Variants in FNIP1 observed in about 807,000 individuals in gnomAD.
FNIP1 encodes the protein folliculin interacting protein 1.
A neutral mutation model predicts 124.5 loss-of-function variants in FNIP1; 40 were observed. That is an observed-to-expected ratio of 0.32 (90% CI 0.25 to 0.42). The LOEUF is 0.42. Among genes scored for constraint, FNIP1 ranks in the 10% least tolerant of loss-of-function variants. The probability of loss-of-function intolerance (pLI) is 1.00; values close to 1 mark genes in which losing one functional copy is unlikely to be tolerated. For missense variants in FNIP1, 1,176 were observed against 1,403.7 expected, an observed-to-expected ratio of 0.84 and a Z score of 2.59; for synonymous variants, 472 against 470.6, an observed-to-expected ratio of 1.00 and a Z score of -0.04.
rs1018843568 is a variant in FNIP1, at chr5:131,642,846, G to T, written c.*1839C>A. On this transcript the variant is annotated 3_prime_UTR_variant, in exon 18 of 18. Coordinates refer to ENST00000510461, the MANE Select transcript of FNIP1 (RefSeq NM_133372.3). ...ATCGCACCATTGCACTCCAGCCTGG[G>T]TAACAAGAGTGAAACTCCGTCAAAA... 5 of 142,768 alleles carry T rather than the reference G, an allele frequency of 3.5e-5. No homozygotes were observed. The highest frequency in any genetic ancestry group is 1.5e-5 in the Non-Finnish European group (1 of 66,578). The allele number at this position is 142,768 out of a possible 1,614,324, so 8.8% of individuals were successfully genotyped here. A position where few individuals can be genotyped will look rare whatever the true frequency, so the allele number is the denominator to read the frequency against.
intron 15 of FNIP1, 141 bp downstream of exon 15, chr5:131,670,322 G>A (rs754544418): frequency 1.3e-4 from 80 of 604,234 alleles, no homozygotes; most frequent in Non-Finnish European, 1.9e-4. Flanking sequence ...ACAAAGATAC[G>A]GGCACTGAAT....
intron 5 of FNIP1, among the ~76,000 whole-genome samples, chr5:131,718,123 G>A (rs1238282502): frequency 6.6e-6 from 1 of 151,058 alleles, no homozygotes; most frequent in Admixed American, 6.6e-5. Flanking sequence ...ACCCAGGACA[G>A]AGGTTGCAGT....
At chr5:131,735,457 T>TTATATATATATTTG (rs1253509848) in intron 2 of FNIP1, among the ~76,000 whole-genome samples, 1 of 148,630 alleles carries the variant, frequency 6.7e-6, no homozygotes, top group African/African-American at 2.5e-5. Context: ...TTAAAGTATT[T>TTATATATATATTTG]TATATATATA....
At chr5:131,658,907 CAAAAAAAAAA>C (rs70974003) in intron 15 of FNIP1, among the ~76,000 whole-genome samples, 2,685 of 41,242 alleles carry the variant, frequency 0.065, 123 homozygotes, top group African/African-American at 0.25. Flanking sequence ...TGGGTCTAGC[CAAAAAAAAAA>C]AAAAAAAAAA....
Position 131,671,671 on chromosome 5 carries a change from T to C in FNIP1, c.2773A>G (p.Ile925Val), listed in dbSNP as rs1767754966. 6.2e-7 allele frequency: 1 copy of C among 1,614,134 alleles called. No individual in the cohort carries two copies. Among genetic ancestry groups the C allele is most frequent in the Admixed American group, 1.7e-5 (1 of 60,016 alleles). ...HGDKESSDKK[I>V]AVGTEWDIPR... ...ATGTCCCATTCAGTTCCTACAGCAA[T>C]TTTTTTATCTGAACTCTCTTTATCC... Residue 925 changes from isoleucine to valine, a missense_variant, in exon 14 of 18, where the codon ATT (isoleucine) becomes GTT (valine). By Grantham distance (29) the Ile-to-Val change is conservative. Around this residue, in one of 2 missense-constraint regions of FNIP1, gnomAD observed 1,109 missense variants for 1,288.5 expected, o/e 0.86. Coordinates refer to ENST00000510461, the MANE Select transcript of FNIP1 (RefSeq NM_133372.3).
intron 3 of FNIP1, among the ~76,000 whole-genome samples, chr5:131,723,152 A>T (rs1315081832): frequency 6.6e-6 from 1 of 152,174 alleles, no homozygotes; most frequent in East Asian, 1.9e-4. Context: ...AAATTTTTTT[A>T]ATGATAAAAT....
At position 131,704,094 on chromosome 5, in the gene FNIP1, T is replaced by C. The variant is rs1376083332; in HGVS notation, c.1087A>G (p.Met363Val). Reference sequence around the variant, plus strand: ...TCTATTGCACTCTTTAATTTGTTCATGTGGCTTTCAAAGAGAGGAAAATGT... The same window carrying C: ...TCTATTGCACTCTTTAATTTGTTCACGTGGCTTTCAAAGAGAGGAAAATGT... ...FSHFPLFESH[M>V]NKLKSAIEQA... The change falls in exon 10 of 18, where the codon ATG (methionine) becomes GTG (valine). Residue 363 changes from methionine to valine, a missense_variant. Met to Val is a conservative substitution (Grantham distance 21, BLOSUM62 1). Around this residue, in one of 2 missense-constraint regions of FNIP1, gnomAD observed 1,109 missense variants for 1,288.5 expected, o/e 0.86. Coordinates refer to ENST00000510461, the MANE Select transcript of FNIP1 (RefSeq NM_133372.3). 1.2e-6 allele frequency: 2 copies of C among 1,611,762 alleles called. No individual in the cohort carries two copies. The highest frequency in any genetic ancestry group is 2.7e-5 in the African/African-American group (2 of 74,872).
intron 6 of FNIP1, among the ~76,000 whole-genome samples, chr5:131,715,659 C>T (rs544558327): frequency 6.6e-6 from 1 of 152,194 alleles, no homozygotes; most frequent in South Asian, 2.1e-4. Flanking sequence ...TGCAGAACTT[C>T]TATTTTTCTA....
At chr5:131,663,684 T>G (rs10072661) in intron 15 of FNIP1, among the ~76,000 whole-genome samples, 1 of 152,208 alleles carries the variant, frequency 6.6e-6, no homozygotes, top group Non-Finnish European at 1.5e-5. Flanking sequence ...CAATAGATTC[T>G]AGGTAAGGCC....
intron 11 of FNIP1, among the ~76,000 whole-genome samples, chr5:131,692,834 C>G (rs965584892): frequency 6.6e-6 from 1 of 151,724 alleles, no homozygotes; most frequent in African/African-American, 2.4e-5. Context: ...ATGACAAAAC[C>G]CTGCCTCTAC....
chr5:131,663,876 G>A (rs1390258211), intron 15 of FNIP1, among the ~76,000 whole-genome samples: 2 of 152,212 alleles, frequency 1.3e-5, no homozygotes, highest in African/African-American at 4.8e-5. Flanking sequence ...TATACAAGGT[G>A]TAGAAGGAAA....
At chr5:131,652,608 T>C (rs1767073118) in intron 15 of FNIP1, among the ~76,000 whole-genome samples, 2 of 152,160 alleles carry the variant, frequency 1.3e-5, no homozygotes, top group Non-Finnish European at 2.9e-5. Context: ...CCCAAAGTTT[T>C]GGGATTACAG....
chr5:131,750,614 TTC>T (rs1328973019), intron 1 of FNIP1, among the ~76,000 whole-genome samples: 1 of 147,296 alleles, frequency 6.8e-6, no homozygotes, highest in Non-Finnish European at 1.5e-5. Flanking sequence ...CTTCCCTTCT[TTC>T]TTTTTTTTTT....
chr5:131,752,538 T>TA (rs70974009), intron 1 of FNIP1, among the ~76,000 whole-genome samples: 90,836 of 136,664 alleles, frequency 0.66, 30,783 homozygotes, highest in Non-Finnish European at 0.77. Context: ...CCTGAACATC[T>TA]AAAAAAAAAA....
At chr5:131,692,068 CAGAAAAA>C (rs1768499138) in intron 11 of FNIP1, among the ~76,000 whole-genome samples, 1 of 151,444 alleles carries the variant, frequency 6.6e-6, no homozygotes, top group East Asian at 1.9e-4. Context: ...AGAAGGAAGA[CAGAAAAA>C]GTATACATGT....
chr5:131,657,051 A>G, intron 15 of FNIP1, among the ~76,000 whole-genome samples: 1 of 123,440 alleles, frequency 8.1e-6, no homozygotes, highest in Admixed American at 9.4e-5. Context: ...TTTGAGACAG[A>G]GTCTCGCTGG....
intron 1 of FNIP1, among the ~76,000 whole-genome samples, chr5:131,783,657 A>C (rs1772070582): frequency 6.6e-6 from 1 of 152,174 alleles, no homozygotes; most frequent in Admixed American, 6.5e-5. Flanking sequence ...TACATCACTG[A>C]AATTTCAGAA....
chr5:131,796,689 CG>C (rs1772614759), intron 1 of FNIP1, 140 bp downstream of exon 1: 1 of 737,010 alleles, frequency 1.4e-6, no homozygotes, highest in Non-Finnish European at 2.1e-6. Flanking sequence ...AGCCCGCAGC[CG>C]GCTCCACCCC....
intron 15 of FNIP1, among the ~76,000 whole-genome samples, chr5:131,668,684 C>T (rs1767667912): frequency 6.6e-6 from 1 of 152,036 alleles, no homozygotes; most frequent in South Asian, 2.1e-4. Flanking sequence ...GACTCTGTCT[C>T]AAGAAAAATG....
Sources: gnomAD v4.1 joint callset for allele counts (sites outside exome capture counted in the v4.1 genomes callset) on GRCh38, gnomAD v4.1.1 for gene constraint, gnomAD v4.1.1 regional missense constraint, MANE v1.5 for transcripts, NCBI Gene and HGNC (gene_info 2026-07-23, HGNC 2026-07-21) for gene names.